The following DRAXIN variants were observed in gnomAD, a reference collection of about 807,000 sequenced individuals.
The protein encoded by DRAXIN is dorsal inhibitory axon guidance protein, also known as dorsal repulsive axon guidance protein.
A neutral mutation model predicts 33.9 loss-of-function variants in DRAXIN; 27 were observed. That is an observed-to-expected ratio of 0.80 (90% CI 0.59 to 1.10). The LOEUF (loss-of-function observed/expected upper bound fraction) is 1.10, where lower values mean the gene tolerates loss of function less well. DRAXIN is among the 50% of genes least tolerant of loss of function. DRAXIN has a pLI of 0.00. For synonymous variants in DRAXIN, 178 were observed against 194.0 expected (o/e 0.92, Z 0.69); for missense variants, 371 against 460.8 (o/e 0.81, Z 1.78).
intron 1 of DRAXIN, among the ~76,000 whole-genome samples, chr1:11,702,497 C>T (rs1641308953): frequency 6.6e-6 from 1 of 151,660 alleles, no homozygotes; most frequent in Admixed American, 6.6e-5. Flanking sequence ...CATGCTCTCA[C>T]ATGATCATAG....
chr1:11,710,184 CAAAAA>C (rs34519157), intron 3 of DRAXIN, among the ~76,000 whole-genome samples: 1 of 122,484 alleles, frequency 8.2e-6, no homozygotes. Context: ...GACTTTGTCT[CAAAAA>C]AAAAAAAAAA....
intron 2 of DRAXIN, among the ~76,000 whole-genome samples, chr1:11,708,927 C>T (rs1641431990): frequency 1.3e-5 from 2 of 152,198 alleles, no homozygotes; most frequent in South Asian, 2.1e-4. Context: ...ACTTCACCTC[C>T]TCCAGGAAGC....
chr1:11,716,786 C>T (rs998002478), intron 6 of DRAXIN, among the ~76,000 whole-genome samples: 3 of 152,190 alleles, frequency 2.0e-5, no homozygotes, highest in Non-Finnish European at 4.4e-5. Context: ...ATCCTCCCGC[C>T]TCGGCAATAA....
At chr1:11,687,238 AT>A (rs1049043212), upstream of DRAXIN, among the ~76,000 whole-genome samples, 16 of 151,442 alleles carry the variant, frequency 1.1e-4, no homozygotes, top group African/African-American at 3.9e-4. This position sits in a 1 kb window ranked among gnomAD's most constrained non-coding sequence, Gnocchi z 4.1. Flanking sequence ...GCTAATTTTT[AT>A]TTCATTTATT....
At chr1:11,717,828 C>A (rs375558260) in intron 6 of DRAXIN, among the ~76,000 whole-genome samples, 933 of 109,558 alleles carry the variant, frequency 8.5e-3, no homozygotes, top group Non-Finnish European at 9.9e-3. Context: ...ACCAAAAATA[C>A]AAAAAAAAAA....
Position 11,724,279 on chromosome 1 carries a change from G to A in DRAXIN, c.*4583G>A, listed in dbSNP as rs555531229. On this transcript the variant is annotated 3_prime_UTR_variant, in exon 7 of 7. Coordinates refer to ENST00000294485, the MANE Select transcript of DRAXIN (RefSeq NM_198545.4). ...ATACCCTGGGTGGAGTGGGGGAGCT[G>A]AGCAGGAGGCCAGGTGGCAACCAGT... The A allele has an allele frequency of 1.3e-5, 2 of 152,426 alleles. No individual in the cohort carries two copies. Among genetic ancestry groups the A allele is most frequent in the South Asian group, 2.1e-4 (1 of 4,830 alleles). The allele number at this position is 152,426 out of a possible 1,614,324, so 9.4% of individuals were successfully genotyped here.
chr1:11,706,661 C>T lies in DRAXIN; in HGVS notation c.403C>T (p.Arg135Cys), dbSNP rs373660132. ...RPPGWERTRK[R>C]SREHKRRRDR... is the part of the protein sequence containing the mutation. ...TCCAGGTTGGGAGAGGACCAGGAAACGCAGCAGGGAGCACAAGAGACGCAG... is the reference window on the plus strand; with the variant it reads ...TCCAGGTTGGGAGAGGACCAGGAAATGCAGCAGGGAGCACAAGAGACGCAG... The change falls in exon 2 of 7, where the codon CGC (arginine) becomes TGC (cysteine). Residue 135 changes from arginine (R) to cysteine (C), a missense_variant. Transcript: ENST00000294485. The surrounding 1 kb of genome is among the most constrained non-coding windows in gnomAD (Gnocchi z 5.5). 4 of 1,597,788 alleles carry T rather than the reference C, an allele frequency of 2.5e-6. No individual in the cohort carries two copies. Among genetic ancestry groups the T allele is most frequent in the East Asian group, 2.2e-5 (1 of 44,794 alleles).
rs72638643 is a variant in DRAXIN at position 11,694,961 on chromosome 1, G to A, written c.-11+3108G>A. The stretch of plus-strand genomic sequence containing the variant: ...GGTGGTTATGAGGGATGAGGCTCCT[G>A]CTAGAACCCAGAGCAACTGGAAGGA... On this transcript the variant is annotated intron_variant, in intron 1 of 6. Coordinates refer to ENST00000294485, the MANE Select transcript of DRAXIN (RefSeq NM_198545.4). The surrounding 1 kb of genome is among the most constrained non-coding windows in gnomAD (Gnocchi z 4.9). Among the ~76,000 whole-genome samples the A allele has an allele frequency of 0.07, 10,671 of 152,244 alleles. 439 individuals are homozygous for A. The highest frequency in any genetic ancestry group is 0.096 in the South Asian group (465 of 4,830).
rs1386466420 is a variant in DRAXIN, at chr1:11,706,024, T to C, written c.-10-225T>C. ...TGATTCTTGGTTTCGGGGGCTGTCC[T>C]GTGCATTGTCGGGCGTTTAGCAGCA... On this transcript the variant is annotated intron_variant, in intron 1 of 6. Coordinates refer to ENST00000294485, the MANE Select transcript of DRAXIN (RefSeq NM_198545.4). The surrounding 1 kb of genome is among the most constrained non-coding windows in gnomAD (Gnocchi z 5.5). Among the ~76,000 whole-genome samples, 1 of 152,188 alleles carries C rather than the reference T, an allele frequency of 6.6e-6. No homozygotes were observed. Among genetic ancestry groups the C allele is most frequent in the Non-Finnish European group, 1.5e-5 (1 of 68,020 alleles).
chr1:11,710,153 C>G (rs1641458629), intron 3 of DRAXIN, among the ~76,000 whole-genome samples: 1 of 145,424 alleles, frequency 6.9e-6, no homozygotes, highest in African/African-American at 2.6e-5. Context: ...CCACTGCACA[C>G]CAGCCCGGGT....
upstream of DRAXIN, among the ~76,000 whole-genome samples, chr1:11,689,094 G>A (rs1037588793): frequency 6.0e-4 from 91 of 152,100 alleles, no homozygotes; most frequent in African/African-American, 2.1e-3. Flanking sequence ...TCAGGAGTTC[G>A]AGACCCGCCT....
At chr1:11,697,963 G>T (rs1452490700) in intron 1 of DRAXIN, among the ~76,000 whole-genome samples, 6 of 152,128 alleles carry the variant, frequency 3.9e-5, no homozygotes, top group African/African-American at 1.4e-4. Context: ...GTATGCCAGT[G>T]AACACCCAGC....
chr1:11,716,802 T>G (rs776702150), intron 6 of DRAXIN, among the ~76,000 whole-genome samples: 3 of 152,154 alleles, frequency 2.0e-5, no homozygotes, highest in Non-Finnish European at 4.4e-5. Flanking sequence ...AATAAAGCTA[T>G]GTAGTTCTGA....
Position 11,711,807 on chromosome 1 carries a change from A to G in DRAXIN, c.643-44A>G, listed in dbSNP as rs111491139. 161 of 1,561,390 alleles carry G rather than the reference A, an allele frequency of 1.0e-4. No individual in the cohort carries two copies. The African/African-American group carries it at 1.8e-3, about 17-fold the overall frequency. Reference sequence around the variant, plus strand: ...CTTGGGACTCCACACTCCTGCTTCCATGGATTTGAAGGTTCCAACATCCCC... The same window carrying G: ...CTTGGGACTCCACACTCCTGCTTCCGTGGATTTGAAGGTTCCAACATCCCC... On this transcript the variant is annotated intron_variant, in intron 3 of 6. Transcript: ENST00000294485.
At position 11,712,000 on chromosome 1, in the gene DRAXIN, G is replaced by C. The variant is rs761797514; in HGVS notation, c.757+35G>C. On this transcript the variant is annotated intron_variant, in intron 4 of 6. Transcript: ENST00000294485. Reference sequence around the variant, plus strand: ...CCTACCCCACTATCTTCCATGCCTGGGTGCCCTGCCCTCCCGCACCATCTG... The same window carrying C: ...CCTACCCCACTATCTTCCATGCCTGCGTGCCCTGCCCTCCCGCACCATCTG... 2.5e-6 allele frequency: 4 copies of C among 1,584,282 alleles called. No individual in the cohort carries two copies. The African/African-American group carries it at 4.0e-5, about 16-fold the overall frequency.
At chr1:11,719,191 A>G (rs995171659) in intron 6 of DRAXIN, among the ~76,000 whole-genome samples, 1 of 152,220 alleles carries the variant, frequency 6.6e-6, no homozygotes, top group African/African-American at 2.4e-5. Flanking sequence ...GGCGTGAGCC[A>G]CCGTGCCCGG....
chr1:11,707,747 C>T (rs1195533779), intron 2 of DRAXIN, among the ~76,000 whole-genome samples: 1 of 152,186 alleles, frequency 6.6e-6, no homozygotes, highest in Admixed American at 6.5e-5. Flanking sequence ...CCCCCACATC[C>T]GCTGGGAGCT....
chr1:11,696,746 G>C lies in DRAXIN; in HGVS notation c.-11+4893G>C, dbSNP rs151139817. Among the ~76,000 whole-genome samples the C allele has an allele frequency of 6.6e-6, 1 of 152,074 alleles. No individual in the cohort carries two copies. The highest frequency in any genetic ancestry group is 6.6e-5 in the Admixed American group (1 of 15,266). ...TGTGCACCTGTAGTCCCAGCTACTC[G>C]GGAGGCTGAGGCAGAAGAATTGCTT... On this transcript the variant is annotated intron_variant, in intron 1 of 6. Coordinates refer to ENST00000294485, the MANE Select transcript of DRAXIN (RefSeq NM_198545.4). The surrounding 1 kb of genome is among the most constrained non-coding windows in gnomAD (Gnocchi z 4.7).
intron 3 of DRAXIN, among the ~76,000 whole-genome samples, chr1:11,709,763 C>T (rs956781138): frequency 1.3e-5 from 2 of 152,198 alleles, no homozygotes; most frequent in Non-Finnish European, 2.9e-5. Flanking sequence ...AGCAGCAAGG[C>T]CTGGGGAGGA....
Sources: allele counts gnomAD v4.1 joint callset (sites outside exome capture counted in the v4.1 genomes callset), GRCh38; gene constraint gnomAD v4.1.1; non-coding constraint Gnocchi (gnomAD v3.1); transcripts MANE v1.5; gene names NCBI Gene and HGNC (gene_info 2026-07-23, HGNC 2026-07-21).